The following ROBO2 variants were observed in gnomAD, a reference collection of about 807,000 sequenced individuals.
The protein encoded by ROBO2 is roundabout guidance receptor 2.
ROBO2 carries 53 observed loss-of-function variants against 160.8 expected under a neutral mutation model. The observed-to-expected ratio is 0.33, with a 90% CI of 0.26 to 0.41. The LOEUF is 0.41. Ranked by LOEUF, ROBO2 falls within the 10% of genes least tolerant of loss-of-function variation. ROBO2 has a pLI of 1.00. For missense variants in ROBO2, 1,577 were observed against 1,722.4 expected, an observed-to-expected ratio of 0.92 and a Z score of 1.49; for synonymous variants, 664 against 611.7, an observed-to-expected ratio of 1.09 and a Z score of -1.26.
At chr3:76,342,038 T>C (rs1395304596) in intron 2 of ROBO2, among the ~76,000 whole-genome samples, 2 of 152,150 alleles carry the variant, frequency 1.3e-5, no homozygotes, top group African/African-American at 2.4e-5. Flanking sequence ...TATGAAACAG[T>C]GTTTACAGAC....
At chr3:76,934,171 T>C (rs958624639) in intron 2 of ROBO2, among the ~76,000 whole-genome samples, 2 of 150,878 alleles carry the variant, frequency 1.3e-5, no homozygotes, top group Non-Finnish European at 2.9e-5. Flanking sequence ...GTTATCATAT[T>C]CCTGGAAGTG....
chr3:76,748,295 T>TA (rs2093925454), intron 2 of ROBO2, among the ~76,000 whole-genome samples: 2 of 151,598 alleles, frequency 1.3e-5, no homozygotes, highest in South Asian at 4.1e-4. Flanking sequence ...ATTATTTGTA[T>TA]AAAAATAAAG....
At chr3:77,406,227 A>T (rs541656781) in intron 2 of ROBO2, among the ~76,000 whole-genome samples, 2 of 152,288 alleles carry the variant, frequency 1.3e-5, no homozygotes, top group South Asian at 4.1e-4. Flanking sequence ...ACTCACTGTC[A>T]TGAGACGAGC....
Position 77,424,758 on chromosome 3 carries a change from G to A in ROBO2, c.389-52656G>A, listed in dbSNP as rs192650382. On this transcript the variant is annotated intron_variant, in intron 2 of 25. Transcript: ENST00000461745. ...TTTTGTATATGAACACTGCGTGCCC[G>A]TGTATGCGTGTGAAGTCACAAAGAG... 3.2e-4 allele frequency among the ~76,000 whole-genome samples: 49 copies of A among 152,156 alleles called. No individual in the cohort carries two copies. The East Asian group carries it at 5.6e-3, about 17-fold the overall frequency.
At chr3:76,909,161 A>G (rs1183254208) in intron 2 of ROBO2, among the ~76,000 whole-genome samples, 1 of 152,158 alleles carries the variant, frequency 6.6e-6, no homozygotes, top group Non-Finnish European at 1.5e-5. Flanking sequence ...CCAGGGTTTG[A>G]GGTTGCAGTG....
rs377753892 is a variant in ROBO2 at position 77,588,757 on chromosome 3, G to A, written c.2507G>A (p.Arg836His). 79 of 1,612,806 alleles carry A rather than the reference G, an allele frequency of 4.9e-5. No homozygotes were observed. Among genetic ancestry groups the A allele is most frequent in the Middle Eastern group, 3.3e-4 (2 of 6,080 alleles). ...ACTATGGTTTTTTCCATAGGGAGAC[G>A]CAATGAAGTTGTCATTACTGAAAAC... Residue 836 changes from arginine to histidine, a missense_variant, in exon 17 of 26, where the codon CGC becomes CAC. Arg to His is a conservative substitution (Grantham distance 29). Around this residue, in one of 2 missense-constraint regions of ROBO2, gnomAD observed 940 missense variants for 1,135.5 expected, o/e 0.83. Coordinates refer to ENST00000461745, the Ensembl canonical transcript of ROBO2.
intron 2 of ROBO2, among the ~76,000 whole-genome samples, chr3:77,207,209 C>G (rs188391219): frequency 2.4e-4 from 36 of 152,264 alleles, no homozygotes; most frequent in African/African-American, 8.7e-4. Flanking sequence ...CTAATCGTCT[C>G]TCTTATAAGA....
At chr3:77,644,714 G>A in exon 25 of ROBO2, 1 of 1,613,926 alleles carries the variant, frequency 6.2e-7, no homozygotes, top group Non-Finnish European at 8.5e-7. Flanking sequence ...AGGAGGCCTT[G>A]GTGCCCTATA....
intron 2 of ROBO2, among the ~76,000 whole-genome samples, chr3:76,441,548 G>A (rs377541563): frequency 6.6e-6 from 1 of 152,178 alleles, no homozygotes; most frequent in African/African-American, 2.4e-5. Context: ...TTAAACACCT[G>A]CAGAATGAGG....
intron 2 of ROBO2, among the ~76,000 whole-genome samples, chr3:77,164,361 A>C: frequency 6.6e-6 from 1 of 151,546 alleles, no homozygotes; most frequent in South Asian, 2.1e-4. Context: ...GGCTGGTATA[A>C]AGCCTTTTTA....
intron 2 of ROBO2, among the ~76,000 whole-genome samples, chr3:76,117,966 A>C (rs1397595690): frequency 6.6e-6 from 1 of 151,966 alleles, no homozygotes; most frequent in Non-Finnish European, 1.5e-5. Context: ...AGATACAGGA[A>C]GGGGAACATC....
chr3:77,422,235 A>G (rs1220856718), intron 2 of ROBO2, among the ~76,000 whole-genome samples: 2 of 152,146 alleles, frequency 1.3e-5, no homozygotes, highest in Non-Finnish European at 2.9e-5. Context: ...AGAATAAGAC[A>G]GGGGATTAGC....
chr3:77,218,435 C>T (rs374918777), intron 2 of ROBO2, among the ~76,000 whole-genome samples: 14 of 149,192 alleles, frequency 9.4e-5, no homozygotes, highest in African/African-American at 1.5e-4. Context: ...AGTGCAGTGG[C>T]GTGATCTTGG....
intron 1 of ROBO2, among the ~76,000 whole-genome samples, chr3:77,075,981 A>G (rs2067956068): frequency 6.6e-6 from 1 of 151,936 alleles, no homozygotes; most frequent in Non-Finnish European, 1.5e-5. Flanking sequence ...CCTGGCTTAC[A>G]TACTACATAC....
intron 2 of ROBO2, among the ~76,000 whole-genome samples, chr3:76,456,656 G>T (rs1043200621): frequency 6.6e-6 from 1 of 152,180 alleles, no homozygotes; most frequent in Non-Finnish European, 1.5e-5. Context: ...TTTAAAGTTT[G>T]TAATTTGGCT....
chr3:76,378,544 T>C (rs1160429627), intron 2 of ROBO2, among the ~76,000 whole-genome samples: 1 of 152,182 alleles, frequency 6.6e-6, no homozygotes, highest in Non-Finnish European at 1.5e-5. Context: ...GAATAGGATA[T>C]AGCAGCACAC....
At chr3:76,539,284 C>G (rs1244595841) in intron 2 of ROBO2, among the ~76,000 whole-genome samples, 1 of 151,466 alleles carries the variant, frequency 6.6e-6, no homozygotes, top group South Asian at 2.1e-4. Flanking sequence ...ATAGGTGCAG[C>G]AAACCACCAT....
chr3:76,253,065 A>G (rs751782371), intron 2 of ROBO2, among the ~76,000 whole-genome samples: 56 of 152,024 alleles, frequency 3.7e-4, no homozygotes, highest in Non-Finnish European at 6.6e-4. Flanking sequence ...AGAGACCTTC[A>G]CAGCAACACC....
intron 2 of ROBO2, among the ~76,000 whole-genome samples, chr3:77,102,176 G>A (rs886843676): frequency 2.6e-5 from 4 of 152,234 alleles, no homozygotes; most frequent in African/African-American, 9.6e-5. Flanking sequence ...GATGGAAGTA[G>A]CAAATGCTGC....
Sources: gnomAD v4.1 joint callset for allele counts (sites outside exome capture counted in the v4.1 genomes callset) on GRCh38, gnomAD v4.1.1 for gene constraint, gnomAD v4.1.1 regional missense constraint, MANE v1.5 for transcripts, NCBI Gene and HGNC (gene_info 2026-07-23, HGNC 2026-07-21) for gene names.